The following CDS2 variants were observed in gnomAD, a reference collection of about 807,000 sequenced individuals.
CDS2 encodes the protein CDP-diacylglycerol synthase 2.
In CDS2, 47 loss-of-function variants were observed where a neutral mutation model predicts 59.0. The ratio of observed to expected loss-of-function variants is 0.80; its 90% CI spans 0.63 to 1.02. CDS2 has a LOEUF of 1.02. Ranked by LOEUF, CDS2 falls within the 50% of genes least tolerant of loss-of-function variation. The probability of loss-of-function intolerance (pLI) is 0.00; values close to 1 mark genes in which losing one functional copy is unlikely to be tolerated. For missense variants in CDS2, 356 were observed against 558.9 expected, an observed-to-expected ratio of 0.64 and a Z score of 3.66; for synonymous variants, 207 against 206.4, an observed-to-expected ratio of 1.00 and a Z score of -0.02.
At chr20:5,174,297 G>A (rs1453874014) in intron 2 of CDS2, among the ~76,000 whole-genome samples, 4 of 152,078 alleles carry the variant, frequency 2.6e-5, no homozygotes, top group Non-Finnish European at 5.9e-5. Context: ...AGTGGTTAAG[G>A]GCGTGGACTT....
In CDS2 at chr20:5,147,349, G is replaced by A. The variant is rs148843722; in HGVS notation, c.57+20200G>A. The stretch of plus-strand genomic sequence containing the variant: ...AGTGGTAAGAGCTGATTCAATGACA[G>A]CCAGGCAGAAAGGGAAGGGGAACTG... On this transcript the variant is annotated intron_variant, in intron 1 of 12. Coordinates refer to ENST00000460006, the MANE Select transcript of CDS2 (RefSeq NM_003818.4). Among the ~76,000 whole-genome samples the A allele has an allele frequency of 3.4e-3, 523 of 152,282 alleles. 3 individuals are homozygous for A. Among genetic ancestry groups the A allele is most frequent in the African/African-American group, 0.012 (491 of 41,562 alleles).
At chr20:5,186,137 G>A (rs745810162) in intron 9 of CDS2, among the ~76,000 whole-genome samples, 1 of 152,248 alleles carries the variant, frequency 6.6e-6, no homozygotes, top group Non-Finnish European at 1.5e-5. Context: ...GAGATACACA[G>A]CTTTTCTCCT....
intron 1 of CDS2, among the ~76,000 whole-genome samples, chr20:5,148,721 G>A (rs2090764646): frequency 6.6e-6 from 1 of 152,224 alleles, no homozygotes; most frequent in Non-Finnish European, 1.5e-5. Context: ...GGTTTGCACC[G>A]TGGTTGGGTC....
intron 1 of CDS2, among the ~76,000 whole-genome samples, chr20:5,146,662 C>G (rs1254162654): frequency 6.6e-6 from 1 of 152,148 alleles, no homozygotes; most frequent in Non-Finnish European, 1.5e-5. Flanking sequence ...TATGAAATAA[C>G]TACCACTTTG....
intron 1 of CDS2, among the ~76,000 whole-genome samples, chr20:5,139,319 G>A (rs1368875271): frequency 6.6e-6 from 1 of 152,232 alleles, no homozygotes; most frequent in Non-Finnish European, 1.5e-5. Flanking sequence ...CCGAGATCAT[G>A]CCATAGCACT....
chr20:5,182,869 C>T (rs903745685), intron 6 of CDS2, among the ~76,000 whole-genome samples, 192 bp from the exon 7 acceptor site: 3 of 152,228 alleles, frequency 2.0e-5, no homozygotes, highest in African/African-American at 7.2e-5. Context: ...AGCTCACTCA[C>T]TAGTGGGCTG....
In CDS2 at chr20:5,195,167, G is replaced by C. The variant is rs2091147231; in HGVS notation, c.*4933G>C. The C allele has an allele frequency of 6.6e-6, 1 of 152,182 alleles. No individual in the cohort carries two copies. The highest frequency in any genetic ancestry group is 6.5e-5 in the Admixed American group (1 of 15,278). The allele number at this position is 152,182 out of a possible 1,614,324, so 9.4% of individuals were successfully genotyped here. On this transcript the variant is annotated 3_prime_UTR_variant, in exon 13 of 13. Transcript: ENST00000460006. ...ACGAGGTAATGCATGTAAGCATTTA[G>C]TACCATGCCTGGCACATAGTAAGCA...
chr20:5,166,522 G>A (rs2090914733), intron 1 of CDS2, among the ~76,000 whole-genome samples: 1 of 152,036 alleles, frequency 6.6e-6, no homozygotes, highest in African/African-American at 2.4e-5. Flanking sequence ...CAGGGAGAGT[G>A]GGAGGCAGCA....
chr20:5,131,423 T>A (rs2090607015), intron 1 of CDS2, among the ~76,000 whole-genome samples: 1 of 152,188 alleles, frequency 6.6e-6, no homozygotes, highest in Non-Finnish European at 1.5e-5. Context: ...CAACCATATT[T>A]TTCTGATGGA....
At chr20:5,152,709 C>T (rs143591593) in intron 1 of CDS2, among the ~76,000 whole-genome samples, 6 of 152,318 alleles carry the variant, frequency 3.9e-5, no homozygotes, top group African/African-American at 1.2e-4. Context: ...CGCCATTGCA[C>T]TCCAGCCCGG....
Position 5,190,468 on chromosome 20 carries a change from G to A in CDS2, c.*234G>A. ...TTGAGTTGGAAAGAAGTCACGGGTT[G>A]TAAAACCATTTGGATTTTTTTAAAA... On this transcript the variant is annotated 3_prime_UTR_variant, in exon 13 of 13. Coordinates refer to ENST00000460006, the MANE Select transcript of CDS2 (RefSeq NM_003818.4). 1 of 393,230 alleles carries A rather than the reference G, an allele frequency of 2.5e-6. No individual in the cohort carries two copies. The highest frequency in any genetic ancestry group is 4.5e-6 in the Non-Finnish European group (1 of 221,942). The allele number at this position is 393,230 out of a possible 1,614,324, so 24.4% of individuals were successfully genotyped here.
intron 1 of CDS2, among the ~76,000 whole-genome samples, chr20:5,139,820 A>G (rs7264643): frequency 0.014 from 1,794 of 130,332 alleles, 47 homozygotes; most frequent in African/African-American, 0.048. Flanking sequence ...TTTTTTTGAG[A>G]TGGAGTCTCA....
chr20:5,182,999 G>A lies in CDS2; in HGVS notation c.589-62G>A, dbSNP rs772014281. 2.2e-5 allele frequency: 30 copies of A among 1,345,784 alleles called. No individual in the cohort carries two copies. In the South Asian group the frequency reaches 3.6e-4, roughly 16 times the overall value. The allele number at this position is 1,345,784 out of a possible 1,614,324, so 83.4% of individuals were successfully genotyped here. ...AGCAGTTTTCTATTTGGTATTGATT[G>A]TTCTTTGAAGTTACTTTCAAGGTAA... On this transcript the variant is annotated intron_variant, in intron 6 of 12. Transcript: ENST00000460006.
At chr20:5,145,024 A>G (rs183282208) in intron 1 of CDS2, among the ~76,000 whole-genome samples, 3 of 152,022 alleles carry the variant, frequency 2.0e-5, no homozygotes, top group East Asian at 3.9e-4. Context: ...TTCCCCTCCA[A>G]CTGCATTTGT....
rs189908719 is a variant in CDS2 at position 5,183,796 on chromosome 20, A to G, written c.671+653A>G. On this transcript the variant is annotated intron_variant, in intron 7 of 12. Transcript: ENST00000460006. ...ATACCGAGTGGATTTTATTCCAAAA[A>G]TGCAGTGGTTTCATGTATCAGCATT... Among the ~76,000 whole-genome samples the G allele has an allele frequency of 2.9e-3, 445 of 152,346 alleles. 2 individuals carry two copies. The highest frequency in any genetic ancestry group is 9.7e-3 in the African/African-American group (405 of 41,586).
chr20:5,164,892 A>G (rs947392408), intron 1 of CDS2, among the ~76,000 whole-genome samples: 3 of 152,154 alleles, frequency 2.0e-5, no homozygotes, highest in Admixed American at 1.3e-4. Context: ...GAATTAAGTA[A>G]TGGCTTGTGA....
chr20:5,153,084 T>C (rs982476327), intron 1 of CDS2, among the ~76,000 whole-genome samples: 2 of 152,172 alleles, frequency 1.3e-5, no homozygotes, highest in Non-Finnish European at 2.9e-5. Flanking sequence ...CTTGGGGCCT[T>C]TGGGGCTAGT....
At chr20:5,145,827 T>TGG (rs2090738373) in intron 1 of CDS2, among the ~76,000 whole-genome samples, 1 of 149,834 alleles carries the variant, frequency 6.7e-6, no homozygotes, top group African/African-American at 2.5e-5. Flanking sequence ...TTTGTGTTTT[T>TGG]TTTTTTTTTT....
chr20:5,149,757 C>G (rs377274300), intron 1 of CDS2, among the ~76,000 whole-genome samples: 1 of 151,088 alleles, frequency 6.6e-6, no homozygotes, highest in Non-Finnish European at 1.5e-5. Flanking sequence ...GCTCTTTTGC[C>G]GAGGCTGGAG....
Sources: allele counts gnomAD v4.1 joint callset (sites outside exome capture counted in the v4.1 genomes callset), GRCh38; gene constraint gnomAD v4.1.1; transcripts MANE v1.5; gene names NCBI Gene and HGNC (gene_info 2026-07-23, HGNC 2026-07-21).